TEX11: variants seen among roughly 807,000 people sequenced by gnomAD.
The protein encoded by TEX11 is testis expressed 11.
A neutral mutation model predicts 84.4 loss-of-function variants in TEX11; 7 were observed. The observed-to-expected ratio is 0.08, with a 90% CI of 0.05 to 0.16. The LOEUF is 0.16. Ranked by LOEUF, TEX11 falls within the 10% of genes least tolerant of loss-of-function variation. TEX11 has a pLI of 1.00. For synonymous variants in TEX11, 264 were observed against 222.8 expected, an observed-to-expected ratio of 1.18 and a Z score of -1.64; for missense variants, 551 against 660.5, an observed-to-expected ratio of 0.83 and a Z score of 1.82.
In TEX11 at chrX:70,659,656, A is replaced by G. The variant is rs60581050; in HGVS notation, c.1381-8104T>C. ...GGAAAAAAGTAGGATGATTGTTCAA[A>G]ATGTTAAATACAGAATTACCACATG... On this transcript the variant is annotated intron_variant, in intron 16 of 29. Coordinates refer to ENST00000374333, the MANE Select transcript of TEX11 (RefSeq NM_031276.3). Among the ~76,000 whole-genome samples the G allele has an allele frequency of 8.8e-3, 982 of 112,222 alleles. 8 individuals carry two copies. The highest frequency in any genetic ancestry group is 0.029 in the African/African-American group (892 of 30,906).
At chrX:70,744,622 A>G (rs888685390) in intron 9 of TEX11, among the ~76,000 whole-genome samples, 1 of 110,287 alleles carries the variant, frequency 9.1e-6, no homozygotes, top group African/African-American at 3.3e-5. Flanking sequence ...TATAATACAT[A>G]CTGCATTAAA....
chrX:70,535,619 G>A (rs771434191), intron 28 of TEX11, among the ~76,000 whole-genome samples: 1 of 110,660 alleles, frequency 9.0e-6, no homozygotes, highest in African/African-American at 3.3e-5. Context: ...GTAGTGGCAT[G>A]TGCCTGTAGT....
intron 28 of TEX11, among the ~76,000 whole-genome samples, chrX:70,545,681 AT>A (rs2088113496): frequency 8.9e-6 from 1 of 112,568 alleles, no homozygotes; most frequent in South Asian, 3.7e-4. Context: ...ATTAACAAGA[AT>A]TATGGACTGT....
intron 16 of TEX11, among the ~76,000 whole-genome samples, chrX:70,654,103 C>CT (rs2089837578): frequency 1.8e-5 from 2 of 111,450 alleles, no homozygotes; most frequent in African/African-American, 6.5e-5. Flanking sequence ...ATGGTAGACA[C>CT]TTTTTTATAC....
At position 70,579,084 on chromosome X, in the gene TEX11, T is replaced by A. The variant is rs1346483084; in HGVS notation, c.2140+12667A>T. Among the ~76,000 whole-genome samples, 3 of 111,002 alleles carry A rather than the reference T, an allele frequency of 2.7e-5. No individual in the cohort carries two copies. In the East Asian group the frequency reaches 8.4e-4, roughly 31 times the overall value. The stretch of plus-strand genomic sequence containing the variant: ...AAGTTGAACTTTTAATACTAAAATG[T>A]GCTAAACTAAAAATATTTTCACAAA... On this transcript the variant is annotated intron_variant, in intron 25 of 29. Coordinates refer to ENST00000374333, the MANE Select transcript of TEX11 (RefSeq NM_031276.3).
chrX:70,711,571 G>C (rs1478478457), intron 13 of TEX11, among the ~76,000 whole-genome samples: 1 of 112,021 alleles, frequency 8.9e-6, no homozygotes, highest in African/African-American at 3.2e-5. Flanking sequence ...GTGTCTTTTG[G>C]CTGCACAAAT....
chrX:70,591,230 A>G (rs2088924779), intron 25 of TEX11, among the ~76,000 whole-genome samples: 1 of 111,631 alleles, frequency 9.0e-6, no homozygotes, highest in Admixed American at 9.6e-5. Flanking sequence ...TATAAAGCAA[A>G]GTAAAAAATA....
At chrX:70,750,848 C>A (rs868700086) in intron 9 of TEX11, among the ~76,000 whole-genome samples, 166 of 90,705 alleles carry the variant, frequency 1.8e-3, no homozygotes, top group African/African-American at 6.2e-3. Flanking sequence ...GTGCAGCGCA[C>A]CAGCATGGCA....
rs943373933 is a variant in TEX11 at position 70,722,522 on chromosome X, G to A, written c.1004+96C>T. Reference sequence around the variant, plus strand: ...GCTCCTGGGCTCAAGGGATCCTCCCGCCTCAGCCTCTCCAAGTGCTGGGAT... The same window carrying A: ...GCTCCTGGGCTCAAGGGATCCTCCCACCTCAGCCTCTCCAAGTGCTGGGAT... On this transcript the variant is annotated intron_variant, in intron 13 of 29. Coordinates refer to ENST00000374333, the MANE Select transcript of TEX11 (RefSeq NM_031276.3). The A allele has an allele frequency of 2.4e-4, 159 of 651,281 alleles. 1 individual carries two copies. The highest frequency in any genetic ancestry group is 6.1e-4 in the Middle Eastern group (2 of 3,263). 53.7% of individuals were successfully genotyped at this position (651,281 alleles called of 1,213,427 possible). A position where few individuals can be genotyped will look rare whatever the true frequency, so the allele number is the denominator to read the frequency against.
chrX:70,838,398 G>C (rs766102204), intron 7 of TEX11, among the ~76,000 whole-genome samples: 1 of 111,899 alleles, frequency 8.9e-6, no homozygotes, highest in African/African-American at 3.2e-5. Flanking sequence ...CCTCCAGCCT[G>C]GGCAACGGAG....
intron 11 of TEX11, among the ~76,000 whole-genome samples, chrX:70,726,824 C>A (rs967140629): frequency 9.2e-6 from 1 of 108,608 alleles, no homozygotes; most frequent in Non-Finnish European, 1.9e-5. Flanking sequence ...AGCCACCAGG[C>A]CTGGCTGCTT....
intron 7 of TEX11, among the ~76,000 whole-genome samples, chrX:70,834,191 TAA>T (rs34937826): frequency 1.0e-5 from 1 of 99,510 alleles, no homozygotes; most frequent in African/African-American, 3.6e-5. Flanking sequence ...CCCCATCTCT[TAA>T]AAAAAAAAAA....
chrX:70,684,586 A>G (rs1846675384), intron 13 of TEX11, among the ~76,000 whole-genome samples: 2 of 112,270 alleles, frequency 1.8e-5, no homozygotes, highest in Non-Finnish European at 3.8e-5. Context: ...TCAAATATAT[A>G]TGAATAAAAG....
chrX:70,540,731 T>A lies in TEX11; in HGVS notation c.2521-10732A>T, dbSNP rs142381525. On this transcript the variant is annotated intron_variant, in intron 28 of 29. Transcript: ENST00000374333. The stretch of plus-strand genomic sequence containing the variant: ...CAAGCCCAGTGACTCCAAGCTAAGG[T>A]CAATCTTGAGCCTGCAAGAAGAGGC... Among the ~76,000 whole-genome samples, 747 of 111,424 alleles carry A rather than the reference T, an allele frequency of 6.7e-3. 27 individuals are homozygous for A. The East Asian group carries it at 0.12, about 18-fold the overall frequency.
chrX:70,829,760 C>A (rs2091367323), intron 8 of TEX11, among the ~76,000 whole-genome samples: 1 of 108,946 alleles, frequency 9.2e-6, no homozygotes, highest in Non-Finnish European at 1.9e-5. Flanking sequence ...TTTGTTAATA[C>A]AATCAGTGTT....
At chrX:70,709,749 A>T (rs2090409602) in intron 13 of TEX11, among the ~76,000 whole-genome samples, 1 of 111,063 alleles carries the variant, frequency 9.0e-6, no homozygotes, top group Admixed American at 9.7e-5. Context: ...AAACAATATC[A>T]GGCTTTATGC....
At chrX:70,713,317 C>T (rs1175255294) in intron 13 of TEX11, among the ~76,000 whole-genome samples, 4 of 111,579 alleles carry the variant, frequency 3.6e-5, no homozygotes, top group Admixed American at 1.9e-4. Flanking sequence ...AAGTGAGTTA[C>T]GGAGGATTCC....
chrX:70,819,317 A>G (rs1328112679), intron 8 of TEX11, among the ~76,000 whole-genome samples: 1 of 112,316 alleles, frequency 8.9e-6, no homozygotes, highest in Admixed American at 9.5e-5. Flanking sequence ...TACTATATTA[A>G]CAAAATGAAA....
chrX:70,769,310 G>A (rs760779337), intron 9 of TEX11, among the ~76,000 whole-genome samples: 1 of 110,990 alleles, frequency 9.0e-6, no homozygotes, highest in Non-Finnish European at 1.9e-5. Flanking sequence ...ATCAAAAAAT[G>A]GACACCTTTA....
Sources: gnomAD v4.1 joint callset for allele counts (sites outside exome capture counted in the v4.1 genomes callset) on GRCh38, gnomAD v4.1.1 for gene constraint, MANE v1.5 for transcripts, NCBI Gene and HGNC (gene_info 2026-07-23, HGNC 2026-07-21) for gene names.